RGL1: variants seen among roughly 807,000 people sequenced by gnomAD.
The protein encoded by RGL1 is ral guanine nucleotide dissociation stimulator-like 1.
Under a neutral mutation model 95.2 loss-of-function variants are expected in RGL1, and 24 were observed. The ratio of observed to expected loss-of-function variants is 0.25; its 90% confidence interval spans 0.18 to 0.35. RGL1 has a LOEUF of 0.35. RGL1 is among the 10% of genes least tolerant of loss of function. The pLI, the probability that RGL1 is intolerant of heterozygous loss-of-function variation, is 1.00. For missense variants in RGL1, 715 were observed against 936.3 expected (o/e 0.76, Z 3.08); for synonymous variants, 329 against 344.9 (o/e 0.95, Z 0.51).
At chr1:183,893,244 A>G (rs995298731) in intron 9 of RGL1, among the ~76,000 whole-genome samples, 1 of 152,224 alleles carries the variant, frequency 6.6e-6, no homozygotes, top group African/African-American at 2.4e-5. Flanking sequence ...AAATAGTGTG[A>G]TAGGTCCTAC....
chr1:183,643,242 A>T (rs576391082), intron 1 of RGL1, among the ~76,000 whole-genome samples: 16 of 151,258 alleles, frequency 1.1e-4, no homozygotes, highest in African/African-American at 3.7e-4. Context: ...GTGTAGAACT[A>T]TCTCTTTGAG....
At chr1:183,816,020 T>C (rs1028638319) in intron 2 of RGL1, among the ~76,000 whole-genome samples, 6 of 152,180 alleles carry the variant, frequency 3.9e-5, no homozygotes, top group Admixed American at 3.3e-4. Context: ...TCTCATTTTG[T>C]ACATTTGAGA....
chr1:183,653,740 GA>G (rs1414285602), intron 1 of RGL1, among the ~76,000 whole-genome samples: 5 of 152,214 alleles, frequency 3.3e-5, no homozygotes, highest in African/African-American at 4.8e-5. Context: ...CCTCCTCTTA[GA>G]AATTGCCTGG....
chr1:183,845,896 G>C (rs1475374206), intron 2 of RGL1, among the ~76,000 whole-genome samples: 2 of 152,202 alleles, frequency 1.3e-5, no homozygotes, highest in African/African-American at 4.8e-5. Context: ...CATAGGAGCT[G>C]TCTTTAGGAA....
intron 2 of RGL1, among the ~76,000 whole-genome samples, chr1:183,807,602 C>T (rs1037940196): frequency 1.3e-5 from 2 of 152,198 alleles, no homozygotes; most frequent in Non-Finnish European, 2.9e-5. Flanking sequence ...CGGCAGCAAT[C>T]ACTTCCTCTG....
At chr1:183,701,572 C>T (rs1654598042) in intron 1 of RGL1, among the ~76,000 whole-genome samples, 1 of 152,150 alleles carries the variant, frequency 6.6e-6, no homozygotes, top group African/African-American at 2.4e-5. Flanking sequence ...AACCTCTACC[C>T]AAAATCCCAC....
At chr1:183,787,120 G>C (rs990211511) in intron 2 of RGL1, among the ~76,000 whole-genome samples, 3 of 152,220 alleles carry the variant, frequency 2.0e-5, no homozygotes, top group Admixed American at 6.5e-5. Context: ...CTCATGGAAT[G>C]AGCTAATGAG....
In RGL1 at chr1:183,705,234, G is replaced by T. The variant is rs376132496; in HGVS notation, c.-32-36892G>T. Among the ~76,000 whole-genome samples, 10 of 152,258 alleles carry T rather than the reference G, an allele frequency of 6.6e-5. No individual in the cohort carries two copies. The East Asian group carries it at 7.7e-4, about 12-fold the overall frequency. ...GAGATAATTTCTTGCTTAGTTTGTG[G>T]AGGTGGGAGGGACTGGAGGAGGGAT... is the stretch of plus-strand genomic sequence containing the variant. On this transcript the variant is annotated intron_variant, in intron 1 of 18. Coordinates refer to the RGL1 transcript ENST00000304685.
intron 6 of RGL1, 45 bp downstream of exon 6, chr1:183,883,955 AG>A (rs746977378): frequency 2.2e-5 from 36 of 1,604,300 alleles, no homozygotes; most frequent in Admixed American, 1.7e-5. Context: ...CTTAAAACAT[AG>A]GGGAGTGATG....
In RGL1 at chr1:183,866,122, C is replaced by A. The variant is rs777009039; in HGVS notation, c.425+49C>A. ...TCTAAGCTCTCAGTCAAGACAATAT[C>A]TTAAAGTAGTTTAGTAGAGTATTTT... On this transcript the variant is annotated intron_variant, in intron 4 of 17. Coordinates refer to ENST00000360851, the MANE Select transcript of RGL1 (RefSeq NM_001297671.3). 2.1e-6 allele frequency: 3 copies of A among 1,436,518 alleles called. No individual in the cohort carries two copies. The Admixed American group carries it at 5.0e-5, about 24-fold the overall frequency. 89.0% of individuals were successfully genotyped at this position (1,436,518 alleles called of 1,614,324 possible). A position where few individuals can be genotyped will look rare whatever the true frequency, so the allele number is the denominator to read the frequency against.
upstream of RGL1, among the ~76,000 whole-genome samples, chr1:183,803,556 G>A (rs1661107518): frequency 6.6e-6 from 1 of 152,214 alleles, no homozygotes; most frequent in South Asian, 2.1e-4. Flanking sequence ...ACCTGAGTGG[G>A]GCCTTGTGAA....
In RGL1 at chr1:183,880,773, T is replaced by C. The variant is rs151273041; in HGVS notation, c.583T>C (p.Phe195Leu). The C allele has an allele frequency of 3.2e-5, 52 of 1,613,696 alleles. No homozygotes were observed. In the African/African-American group the frequency reaches 6.9e-4, roughly 22 times the overall value. The change falls in exon 5 of 18, where the codon TTT (phenylalanine) becomes CTT (leucine). Residue 195 changes from phenylalanine (F) to leucine (L), a missense_variant. Physicochemically the swap from Phe to Leu is conservative, Grantham distance 22. Around this residue, in one of 3 missense-constraint regions of RGL1, gnomAD observed 381 missense variants for 484.8 expected, o/e 0.79. Coordinates refer to ENST00000360851, the MANE Select transcript of RGL1 (RefSeq NM_001297671.3). ...AAGAGCACAAAATCTTCTTGAGCAG[T>C]TTCAGAAGCAAGAAGTGGAAACTGA... ...ERRAQNLLEQ[F>L]QKQEVETDNG...
chr1:183,767,982 G>GTAT (rs1346147803), intron 2 of RGL1, among the ~76,000 whole-genome samples: 2 of 152,052 alleles, frequency 1.3e-5, no homozygotes, highest in African/African-American at 2.4e-5. Flanking sequence ...CAACTGCCAT[G>GTAT]TATTTCTTTA....
intron 1 of RGL1, among the ~76,000 whole-genome samples, chr1:183,645,445 G>A (rs76746299): frequency 0.013 from 1,989 of 152,268 alleles, 51 homozygotes; most frequent in African/African-American, 0.046. Context: ...ATATCCCAGT[G>A]CCTTTTCCAG....
chr1:183,713,386 C>CG (rs1197720389), intron 1 of RGL1, among the ~76,000 whole-genome samples: 3 of 140,834 alleles, frequency 2.1e-5, no homozygotes, highest in Admixed American at 7.1e-5. Flanking sequence ...ACCCCCCCCC[C>CG]CCGCTTTTAT....
intron 1 of RGL1, among the ~76,000 whole-genome samples, chr1:183,729,522 A>T (rs936978829): frequency 6.6e-6 from 1 of 152,182 alleles, no homozygotes; most frequent in African/African-American, 2.4e-5. Flanking sequence ...TACACCGCTT[A>T]TGGGAATATA....
chr1:183,849,077 T>G (rs6424915), intron 3 of RGL1, among the ~76,000 whole-genome samples: 1 of 147,064 alleles, frequency 6.8e-6, no homozygotes, highest in Non-Finnish European at 1.5e-5. Context: ...AATTTTCATT[T>G]AAAAAATTTT....
intron 9 of RGL1, 148 bp downstream of exon 9, chr1:183,892,309 A>G: frequency 5.2e-6 from 3 of 575,356 alleles, no homozygotes. Flanking sequence ...TAAATGCAGA[A>G]TCTAAGAAAC....
chr1:183,675,268 A>C (rs901205435), intron 1 of RGL1, among the ~76,000 whole-genome samples: 1 of 151,618 alleles, frequency 6.6e-6, no homozygotes, highest in Admixed American at 6.6e-5. Context: ...TTTTATTTAC[A>C]TAGGAAACAT....
Sources: gnomAD v4.1 joint callset for allele counts (sites outside exome capture counted in the v4.1 genomes callset) on GRCh38, gnomAD v4.1.1 for gene constraint, gnomAD v4.1.1 regional missense constraint, MANE v1.5 for transcripts, NCBI Gene and HGNC (gene_info 2026-07-23, HGNC 2026-07-21) for gene names.